OTC: variants seen among roughly 807,000 people sequenced by gnomAD.
OTC encodes ornithine transcarbamylase, mitochondrial.
In OTC, 3 loss-of-function variants were observed where a neutral mutation model predicts 30.3. That is an observed-to-expected ratio of 0.10 (90% CI 0.05 to 0.26). OTC has a LOEUF of 0.26. OTC is among the 10% of genes least tolerant of loss of function. The pLI, the probability that OTC is intolerant of heterozygous loss-of-function variation, is 1.00. For synonymous variants in OTC, 111 were observed against 99.7 expected (o/e 1.11, Z -0.67); for missense variants, 194 against 260.3 (o/e 0.75, Z 1.75).
chrX:38,337,942 T>C, the OTC span, among the ~76,000 whole-genome samples: 1 of 111,425 alleles, frequency 9.0e-6, no homozygotes, highest in Non-Finnish European at 1.9e-5. Context: ...AAAAGCATCT[T>C]CAATCAAGGG....
chrX:38,404,923 G>A (rs1204326051), intron 6 of OTC, among the ~76,000 whole-genome samples: 1 of 111,692 alleles, frequency 9.0e-6, no homozygotes, highest in Non-Finnish European at 1.9e-5. Context: ...GCTTCAGCCT[G>A]ATCTCACAGG....
intron 3 of OTC, among the ~76,000 whole-genome samples, chrX:38,374,997 C>T (rs769447522): frequency 2.7e-5 from 3 of 111,947 alleles, no homozygotes; most frequent in Non-Finnish European, 5.6e-5. Flanking sequence ...AGAGGCTGTT[C>T]ACAAATGAGA....
upstream of OTC, among the ~76,000 whole-genome samples, chrX:38,351,144 A>G (rs994355041): frequency 1.8e-5 from 2 of 112,108 alleles, no homozygotes; most frequent in African/African-American, 6.5e-5. Context: ...GGGAAATGTC[A>G]GTCTTTCCCC....
At chrX:38,366,123 AC>A (rs143030531) in intron 1 of OTC, among the ~76,000 whole-genome samples, 17,003 of 110,821 alleles carry the variant, frequency 0.15, 1,376 homozygotes, top group Middle Eastern at 0.28. Context: ...CTGGCTCTTA[AC>A]TCCTCACCTT....
At chrX:38,366,477 C>G (rs982726244) in intron 1 of OTC, among the ~76,000 whole-genome samples, 1 of 111,325 alleles carries the variant, frequency 9.0e-6, no homozygotes, top group East Asian at 2.8e-4. Flanking sequence ...GGGGAAAATA[C>G]GAAATTATTT....
chrX:38,411,681 T>A (rs751386629), intron 8 of OTC, among the ~76,000 whole-genome samples, 181 bp from the exon 9 acceptor site: 4 of 109,166 alleles, frequency 3.7e-5, no homozygotes, highest in African/African-American at 6.8e-5. Flanking sequence ...AAAAAAAAAA[T>A]TTGAAAGTAC....
At chrX:38,399,914 C>G (rs1303392974) in intron 4 of OTC, among the ~76,000 whole-genome samples, 2 of 111,183 alleles carry the variant, frequency 1.8e-5, no homozygotes, top group Non-Finnish European at 3.8e-5. Flanking sequence ...TAGTTCAAAG[C>G]AGTGGTTTAC....
At chrX:38,385,256 C>T (rs1302575479) in intron 4 of OTC, among the ~76,000 whole-genome samples, 2 of 111,718 alleles carry the variant, frequency 1.8e-5, no homozygotes, top group Admixed American at 9.5e-5. Flanking sequence ...GGCGACAGAG[C>T]GGGACTCTGT....
chrX:38,398,807 AG>A (rs754486678), intron 4 of OTC, among the ~76,000 whole-genome samples: 107 of 112,092 alleles, frequency 9.5e-4, no homozygotes, highest in African/African-American at 3.3e-3. Flanking sequence ...ACAAAGGCCT[AG>A]GACCTACTCT....
At chrX:38,377,876 C>T (rs1029074988) in intron 3 of OTC, among the ~76,000 whole-genome samples, 10 of 110,956 alleles carry the variant, frequency 9.0e-5, no homozygotes, top group Non-Finnish European at 1.9e-4. Context: ...CTCACTCTCT[C>T]GCCCTGGCTG....
At chrX:38,359,986 C>T (rs1162398081) in intron 1 of OTC, among the ~76,000 whole-genome samples, 1 of 104,434 alleles carries the variant, frequency 9.6e-6, no homozygotes, top group South Asian at 4.4e-4. Flanking sequence ...GGTGCGATCT[C>T]AGCTTACTGC....
chrX:38,387,725 T>C (rs1016524300), intron 4 of OTC, among the ~76,000 whole-genome samples: 1 of 111,624 alleles, frequency 9.0e-6, no homozygotes, highest in Non-Finnish European at 1.9e-5. Flanking sequence ...AAAAGGTGCA[T>C]GAGGTAAAGT....
At chrX:38,418,084 A>T (rs1191256280) in intron 9 of OTC, among the ~76,000 whole-genome samples, 1 of 111,498 alleles carries the variant, frequency 9.0e-6, no homozygotes, top group Non-Finnish European at 1.9e-5. Context: ...TAAAGGCTGT[A>T]CTAATTTAGA....
intron 4 of OTC, among the ~76,000 whole-genome samples, chrX:38,396,695 C>A (rs1460717395): frequency 9.0e-5 from 10 of 110,928 alleles, no homozygotes; most frequent in Non-Finnish European, 1.7e-4. Flanking sequence ...ATTGCTTGAA[C>A]CTGGGAGGGA....
the OTC span, among the ~76,000 whole-genome samples, chrX:38,343,488 T>C: frequency 8.9e-6 from 1 of 112,413 alleles, no homozygotes; most frequent in Non-Finnish European, 1.9e-5. Flanking sequence ...AACCTCGTGC[T>C]TTGCATCTCA....
chrX:38,369,918 G>A (rs1264785156), intron 3 of OTC, 41 bp downstream of exon 3: 1 of 951,337 alleles, frequency 1.1e-6, no homozygotes, highest in South Asian at 2.0e-5. Context: ...TGAAGAGAGG[G>A]ATTGAAGGTG....
upstream of OTC, among the ~76,000 whole-genome samples, chrX:38,349,171 G>A (rs1254722582): frequency 9.0e-6 from 1 of 111,710 alleles, no homozygotes; most frequent in Non-Finnish European, 1.9e-5. Context: ...GGTAGTCCCA[G>A]GAAGCACTGG....
At chrX:38,377,763 G>T (rs1413702131) in intron 3 of OTC, among the ~76,000 whole-genome samples, 1 of 111,825 alleles carries the variant, frequency 8.9e-6, no homozygotes, top group African/African-American at 3.3e-5. Context: ...AAAAGTCAAA[G>T]TTGTTGCCTT....
chrX:38,339,436 A>T, the OTC span, among the ~76,000 whole-genome samples: 2 of 109,657 alleles, frequency 1.8e-5, no homozygotes, highest in Non-Finnish European at 3.8e-5. Flanking sequence ...TCAGAGGTAC[A>T]TGTTCAGGTT....
Sources: allele counts gnomAD v4.1 joint callset (sites outside exome capture counted in the v4.1 genomes callset), GRCh38; gene constraint gnomAD v4.1.1; transcripts MANE v1.5; gene names NCBI Gene and HGNC (gene_info 2026-07-23, HGNC 2026-07-21).